Variants in AGBL4 observed in about 807,000 individuals in gnomAD.
AGBL4 encodes the protein cytosolic carboxypeptidase 6.
In AGBL4, 58 loss-of-function variants were observed where a neutral mutation model predicts 66.4. The ratio of observed to expected loss-of-function variants is 0.87; its 90% CI spans 0.71 to 1.09. AGBL4 has a LOEUF of 1.09. AGBL4 is among the 50% of genes least tolerant of loss of function. The pLI, the probability that AGBL4 is intolerant of heterozygous loss-of-function variation, is 0.00. For synonymous variants in AGBL4, 234 were observed against 222.9 expected (o/e 1.05, Z -0.44); for missense variants, 579 against 631.0 (o/e 0.92, Z 0.88).
chr1:49,727,622 C>T (rs1052313891), intron 2 of AGBL4, among the ~76,000 whole-genome samples: 4 of 152,020 alleles, frequency 2.6e-5, no homozygotes, highest in Admixed American at 1.3e-4. Flanking sequence ...AACAATATAA[C>T]GTATCTACCA....
chr1:48,889,536 A>G (rs1327863428), intron 5 of AGBL4, among the ~76,000 whole-genome samples: 3 of 152,234 alleles, frequency 2.0e-5, no homozygotes, highest in Non-Finnish European at 2.9e-5. Flanking sequence ...AAGCTATGAG[A>G]CTGTGCAAGT....
chr1:49,262,443 TCAAA>T lies in AGBL4; in HGVS notation c.283-16583_283-16580del, dbSNP rs544441240. Among the ~76,000 whole-genome samples, 277 of 152,010 alleles carry T rather than the reference TCAAA, an allele frequency of 1.8e-3. 1 individual carries two copies. The highest frequency in any genetic ancestry group is 6.5e-3 in the African/African-American group (269 of 41,470). ...CTAATATCCAGAATCTACAATGAAC[TCAAA>T]CAAATTTACAAGAAAAAAACAAACA... On this transcript the variant is annotated intron_variant, in intron 3 of 13. Transcript: ENST00000371839.
chr1:48,962,670 T>C (rs1467486238), intron 5 of AGBL4, among the ~76,000 whole-genome samples: 1 of 152,206 alleles, frequency 6.6e-6, no homozygotes, highest in Admixed American at 6.5e-5. Flanking sequence ...AACTGCTAGT[T>C]CTGTGCATAG....
At chr1:49,694,168 AC>A (rs1478143986) in intron 3 of AGBL4, among the ~76,000 whole-genome samples, 5 of 152,124 alleles carry the variant, frequency 3.3e-5, no homozygotes, top group African/African-American at 1.2e-4. Context: ...TGCTAGTAGT[AC>A]CAAGACCTAA....
chr1:48,954,613 T>C (rs1657280721), intron 5 of AGBL4, among the ~76,000 whole-genome samples: 1 of 152,210 alleles, frequency 6.6e-6, no homozygotes, highest in Non-Finnish European at 1.5e-5. Flanking sequence ...TTATAACATA[T>C]GGATTTTGTT....
At position 49,530,493 on chromosome 1, in the gene AGBL4, G is replaced by C. The variant is rs542138447; in HGVS notation, c.282+166820C>G. On this transcript the variant is annotated intron_variant, in intron 3 of 13. Transcript: ENST00000371839. ...CAATGAAGTAGCTAGCTAAAAGCTTGTAAGAATCCTCAGGTTTTTAATCTG... is the reference window on the plus strand; with the variant it reads ...CAATGAAGTAGCTAGCTAAAAGCTTCTAAGAATCCTCAGGTTTTTAATCTG... 5.9e-5 allele frequency among the ~76,000 whole-genome samples: 9 copies of C among 152,002 alleles called. No individual in the cohort carries two copies. In the East Asian group the frequency reaches 1.5e-3, roughly 26 times the overall value.
intron 1 of AGBL4, among the ~76,000 whole-genome samples, chr1:49,866,466 T>TA (rs923570914): frequency 2.0e-5 from 3 of 152,072 alleles, no homozygotes; most frequent in Non-Finnish European, 4.4e-5. Flanking sequence ...TCACACTTTT[T>TA]AAAAAAAGAC....
intron 2 of AGBL4, among the ~76,000 whole-genome samples, chr1:49,725,700 T>A (rs2124698639): frequency 6.7e-6 from 1 of 149,286 alleles, no homozygotes; most frequent in East Asian, 2.0e-4. Flanking sequence ...TTTTTTTTTT[T>A]TTTGAGATGG....
At chr1:49,938,340 T>G (rs1654335705) in intron 1 of AGBL4, among the ~76,000 whole-genome samples, 1 of 152,140 alleles carries the variant, frequency 6.6e-6, no homozygotes, top group Non-Finnish European at 1.5e-5. Flanking sequence ...GCTCTGAAAT[T>G]GTGGCAATAA....
At chr1:49,910,907 T>C (rs976637318) in intron 1 of AGBL4, among the ~76,000 whole-genome samples, 6 of 152,188 alleles carry the variant, frequency 3.9e-5, no homozygotes, top group Non-Finnish European at 7.4e-5. Context: ...ACCTAGGAGA[T>C]GGAGGTTGCA....
intron 4 of AGBL4, among the ~76,000 whole-genome samples, chr1:49,177,396 C>T (rs1449435211): frequency 6.6e-6 from 1 of 152,142 alleles, no homozygotes; most frequent in African/African-American, 2.4e-5. Flanking sequence ...CAATCATAAT[C>T]CCCAAGGAAC....
intron 6 of AGBL4, among the ~76,000 whole-genome samples, chr1:48,680,318 C>T (rs963857516): frequency 3.3e-5 from 5 of 152,168 alleles, no homozygotes; most frequent in Admixed American, 1.3e-4. Context: ...TCAGTAAGAT[C>T]GTGTCCGTTA....
At chr1:49,309,165 C>T (rs1165579835) in intron 3 of AGBL4, among the ~76,000 whole-genome samples, 1 of 152,080 alleles carries the variant, frequency 6.6e-6, no homozygotes, top group African/African-American at 2.4e-5. Flanking sequence ...TTCTGTGTGA[C>T]CTTTGGCAAG....
chr1:49,157,179 C>A, intron 4 of AGBL4, among the ~76,000 whole-genome samples: 1 of 152,034 alleles, frequency 6.6e-6, no homozygotes, highest in Non-Finnish European at 1.5e-5. Context: ...TGGTTTGCTG[C>A]AACCTTCAAC....
chr1:48,689,977 C>G (rs75403058), intron 6 of AGBL4, among the ~76,000 whole-genome samples: 4,009 of 152,284 alleles, frequency 0.026, 67 homozygotes, highest in Non-Finnish European at 0.042. Context: ...CTGAGCCAAC[C>G]CTCCTTCCTG....
intron 4 of AGBL4, among the ~76,000 whole-genome samples, chr1:49,082,410 C>T (rs891885481): frequency 6.6e-6 from 1 of 152,142 alleles, no homozygotes; most frequent in African/African-American, 2.4e-5. Context: ...CTCACCGTTC[C>T]ACATGGCTGG....
chr1:48,735,897 C>T (rs1648964058), intron 6 of AGBL4, among the ~76,000 whole-genome samples: 1 of 152,182 alleles, frequency 6.6e-6, no homozygotes, highest in African/African-American at 2.4e-5. Context: ...CTGCCGTATT[C>T]TTCAAGGCCC....
intron 6 of AGBL4, among the ~76,000 whole-genome samples, chr1:48,771,151 A>G (rs2148692936): frequency 6.6e-6 from 1 of 152,332 alleles, no homozygotes; most frequent in East Asian, 1.9e-4. Flanking sequence ...ACCACCTAGT[A>G]TAACTCAATA....
intron 3 of AGBL4, among the ~76,000 whole-genome samples, chr1:49,423,337 C>T (rs764199954): frequency 6.6e-6 from 1 of 152,136 alleles, no homozygotes; most frequent in Non-Finnish European, 1.5e-5. Flanking sequence ...AGAGTAGGTG[C>T]TCAGAAAGTA....
Sources: allele counts gnomAD v4.1 joint callset (sites outside exome capture counted in the v4.1 genomes callset), GRCh38; gene constraint gnomAD v4.1.1; transcripts MANE v1.5; gene names NCBI Gene and HGNC (gene_info 2026-07-23, HGNC 2026-07-21).